Variants in TAF9 observed in about 807,000 individuals in gnomAD.
TAF9 encodes the protein TATA-box binding protein associated factor 9.
Under a neutral mutation model 16.5 loss-of-function variants are expected in TAF9, and 10 were observed. The ratio of observed to expected loss-of-function variants is 0.61; its 90% CI spans 0.37 to 1.03. TAF9 has a LOEUF of 1.03. Ranked by LOEUF, TAF9 falls within the 50% of genes least tolerant of loss-of-function variation. TAF9 has a pLI of 0.01. For missense variants in TAF9, 288 were observed against 319.1 expected (o/e 0.90, Z 0.74); for synonymous variants, 105 against 120.5 (o/e 0.87, Z 0.84).
chr5:69,365,050 T>C lies in TAF9; in HGVS notation c.688A>G (p.Met230Val), dbSNP rs1372833631. ...TTGGCAGTATTTTGTGATGACATCA[T>C]ATTAGTGGTAATAAGAATGTTTTTG... ...GSKNILITTN[M>V]MSSQNTANES... Residue 230 changes from methionine (M) to valine (V), a missense_variant, in exon 3 of 3, where the codon ATG becomes GTG. Transcript: ENST00000217893. 6.2e-7 allele frequency: 1 copy of C among 1,614,192 alleles called. No homozygotes were observed. The highest frequency in any genetic ancestry group is 8.5e-7 in the Non-Finnish European group (1 of 1,180,004).
intron 1 of TAF9, 190 bp from the exon 2 acceptor site, chr5:69,366,785 T>A: frequency 1.7e-6 from 1 of 573,278 alleles, no homozygotes; most frequent in Non-Finnish European, 3.1e-6. Flanking sequence ...TGAGACAGAG[T>A]TTCACTCTTG....
In TAF9 at chr5:69,364,823, T is replaced by C. The variant is rs1387383321; in HGVS notation, c.*120A>G. 1.1e-6 allele frequency: 1 copy of C among 878,516 alleles called. No individual in the cohort carries two copies. The highest frequency in any genetic ancestry group is 2.4e-5 in the East Asian group (1 of 41,314). The allele number at this position is 878,516 out of a possible 1,614,324, so 54.4% of individuals were successfully genotyped here. A position where few individuals can be genotyped will look rare whatever the true frequency, so the allele number is the denominator to read the frequency against. On this transcript the variant is annotated 3_prime_UTR_variant, in exon 3 of 3. Transcript: ENST00000217893. ...CATTTCAATTGAAAAGTATGGTAAC[T>C]GTGTTTACTCATTATTATTAGTTTT...
At chr5:69,367,337 TAC>T (rs1414171487) in intron 1 of TAF9, among the ~76,000 whole-genome samples, 1 of 151,378 alleles carries the variant, frequency 6.6e-6, no homozygotes, top group East Asian at 2.0e-4. Context: ...ATAGTGAAAC[TAC>T]ATCTCTATTA....
Position 69,368,660 on chromosome 5 carries a change from CAA to C in TAF9, c.-111+801_-111+802del, listed in dbSNP as rs1231826641. Among the ~76,000 whole-genome samples the C allele has an allele frequency of 3.9e-5, 6 of 152,232 alleles. No individual in the cohort carries two copies. The East Asian group carries it at 9.6e-4, about 24-fold the overall frequency. On this transcript the variant is annotated intron_variant, in intron 1 of 2. Transcript: ENST00000217893. ...GAATGATGTAACTTTACTGTTCCCA[CAA>C]AGAGTCTTAATTTTTCTGTACCTTG...
chr5:69,367,934 G>T (rs995207358), intron 1 of TAF9: 2 of 152,208 alleles, frequency 1.3e-5, no homozygotes, highest in South Asian at 4.1e-4. Context: ...GGAGGAGAAG[G>T]CGGGAGGATC....
At chr5:69,366,683 G>T in intron 1 of TAF9, 88 bp from the exon 2 acceptor site, 1 of 1,005,564 alleles carries the variant, frequency 9.9e-7, no homozygotes, top group Non-Finnish European at 1.6e-6. Flanking sequence ...TTATTTTTGA[G>T]ACAGAGTCTC....
intron 1 of TAF9, 53 bp from the exon 2 acceptor site, chr5:69,366,648 T>C: frequency 1.6e-6 from 2 of 1,265,830 alleles, no homozygotes; most frequent in Non-Finnish European, 2.3e-6. Flanking sequence ...CTTATCACAC[T>C]GCGGTCCACC....
upstream of TAF9, chr5:69,369,612 C>G: frequency 6.3e-7 from 1 of 1,578,328 alleles, no homozygotes; most frequent in Non-Finnish European, 8.6e-7. Context: ...CCCACCGCGG[C>G]GCCCCTAGCC....
At chr5:69,365,903 A>T (rs548157197) in intron 2 of TAF9, 149 bp from the exon 3 acceptor site, 1 of 502,558 alleles carries the variant, frequency 2.0e-6, no homozygotes, top group East Asian at 3.2e-5. Flanking sequence ...CTTAATTTTA[A>T]TGAGGCAACT....
chr5:69,366,601 A>G lies in TAF9; in HGVS notation c.-110-6T>C. On this transcript the variant is annotated splice_region_variant and splice_polypyrimidine_tract_variant and intron_variant, in intron 1 of 2. Coordinates refer to ENST00000217893, the MANE Select transcript of TAF9 (RefSeq NM_003187.5). ...TTTTCCAACCCCTGGTGTACCTGTA[A>G]GACAAGCCACAGAAAAATACTGTTT... 6.2e-7 allele frequency: 1 copy of G among 1,605,140 alleles called. No individual in the cohort carries two copies. The highest frequency in any genetic ancestry group is 8.5e-7 in the Non-Finnish European group (1 of 1,172,112).
intron 1 of TAF9, 76 bp from the exon 2 acceptor site, chr5:69,366,671 T>G: frequency 9.0e-7 from 1 of 1,111,362 alleles, no homozygotes; most frequent in Non-Finnish European, 1.4e-6. Flanking sequence ...CTGCCTTTCC[T>G]TTTATTTTTG....
At chr5:69,366,421 A>T in intron 2 of TAF9, 82 bp downstream of exon 2, 1 of 1,072,260 alleles carries the variant, frequency 9.3e-7, no homozygotes, top group African/African-American at 1.6e-5. Flanking sequence ...TTTGTACCCT[A>T]TGACAATACC....
Position 69,369,487 on chromosome 5 carries a change from A to G in TAF9, c.-135T>C. ...CCGGTGAGCAGGATGTTCGGAAGCAACATGGTCCCCGCCGCGACGGCTTCG... is the reference window on the plus strand; with the variant it reads ...CCGGTGAGCAGGATGTTCGGAAGCAGCATGGTCCCCGCCGCGACGGCTTCG... On this transcript the variant is annotated 5_prime_UTR_variant, in exon 1 of 3. Coordinates refer to ENST00000217893, the MANE Select transcript of TAF9 (RefSeq NM_003187.5). 1 of 1,611,392 alleles carries G rather than the reference A, an allele frequency of 6.2e-7. No homozygotes were observed. Among genetic ancestry groups the G allele is most frequent in the Non-Finnish European group, 8.5e-7 (1 of 1,179,302 alleles).
In TAF9 at chr5:69,365,332, C is replaced by T. The variant is rs759818476; in HGVS notation, c.406G>A (p.Ala136Thr). ...GTTATTCTTCCCGCAGAAGTTGATG[C>T]CTTTTTCTGTAAAGATTTCAGCCTA... ...NYRLKSLQKKASTSAGRITVP... is the reference protein window; with the variant it reads ...NYRLKSLQKKTSTSAGRITVP... Residue 136 changes from alanine to threonine, a missense_variant, in exon 3 of 3, where the codon GCA becomes ACA. Coordinates refer to ENST00000217893, the MANE Select transcript of TAF9 (RefSeq NM_003187.5). 5 of 1,614,200 alleles carry T rather than the reference C, an allele frequency of 3.1e-6. No individual in the cohort carries two copies. Among genetic ancestry groups the T allele is most frequent in the Non-Finnish European group, 4.2e-6 (5 of 1,180,042 alleles).
intron 1 of TAF9, among the ~76,000 whole-genome samples, chr5:69,367,516 A>AG (rs1762499726): frequency 6.6e-6 from 1 of 151,806 alleles, no homozygotes; most frequent in African/African-American, 2.4e-5. Flanking sequence ...AAAAAAAAAA[A>AG]AAAAAAATTA....
intron 1 of TAF9, chr5:69,366,861 C>T (rs1762452461): frequency 1.3e-5 from 5 of 388,802 alleles, no homozygotes; most frequent in South Asian, 6.1e-5. Context: ...CAGGTTCAAG[C>T]GATTCTCCTG....
rs373908767 is a variant in TAF9, at chr5:69,365,605, G to A, written c.133C>T (p.Arg45Ter). 8.7e-6 allele frequency: 14 copies of A among 1,614,004 alleles called. No homozygotes were observed. The highest frequency in any genetic ancestry group is 1.3e-5 in the African/African-American group (1 of 75,004). The change falls in exon 3 of 3, where the codon CGA (arginine) becomes TGA (stop). Residue 45 changes from arginine (R) to a stop codon, truncating the protein, a stop_gained. Coordinates refer to ENST00000217893, the MANE Select transcript of TAF9 (RefSeq NM_003187.5). LOFTEE classifies it high-confidence loss of function. ...TCATCTAGAATTGTGGTCACATATC[G>A]GAAGGCAAACTCCAACATCTGATTT... is the stretch of plus-strand genomic sequence containing the variant. ...VINQMLEFAFRYVTTILDDAK... is the reference protein window; with the variant it reads ...VINQMLEFAF
In TAF9 at chr5:69,369,226, A is replaced by ACCCCCCCCCCCC. The variant is rs200123392; in HGVS notation, c.-111+236_-111+237insGGGGGGGGGGGG. 125 of 124,540 alleles carry ACCCCCCCCCCCC rather than the reference A, an allele frequency of 1.0e-3. 17 individuals are homozygous for ACCCCCCCCCCCC. The highest frequency in any genetic ancestry group is 3.7e-3 in the South Asian group (23 of 6,238). The allele number at this position is 124,540 out of a possible 1,614,324, so 7.7% of individuals were successfully genotyped here. On this transcript the variant is annotated intron_variant, in intron 1 of 2. Transcript: ENST00000217893. Reference sequence around the variant, plus strand: ...GAGCTGGATCTGCCGACCTCTCTCCACCCCCCCCCGCCCCCCCCCGGAGCC... The same window carrying ACCCCCCCCCCCC: ...GAGCTGGATCTGCCGACCTCTCTCCACCCCCCCCCCCCCCCCCCCCCGCCCCCCCCCGGAGCC...
In TAF9 at chr5:69,367,248, C is replaced by T. The variant is rs151055466; in HGVS notation, c.-110-653G>A. On this transcript the variant is annotated intron_variant, in intron 1 of 2. Transcript: ENST00000217893. ...CCATCTCGTGCTGGGCGCAGTGGCT[C>T]ATGCCTGTAATCACCGCACTTTGGG... Among the ~76,000 whole-genome samples the T allele has an allele frequency of 1.5e-3, 226 of 151,990 alleles. 2 individuals are homozygous for T. The Middle Eastern group carries it at 0.017, about 11-fold the overall frequency.
Sources: gnomAD v4.1 joint callset for allele counts (sites outside exome capture counted in the v4.1 genomes callset) on GRCh38, gnomAD v4.1.1 for gene constraint, MANE v1.5 for transcripts, NCBI Gene and HGNC (gene_info 2026-07-23, HGNC 2026-07-21) for gene names.